COG5: variants seen among roughly 807,000 people sequenced by gnomAD.
COG5 encodes conserved oligomeric Golgi complex subunit 5.
A neutral mutation model predicts 110.4 loss-of-function variants in COG5; 86 were observed. The observed-to-expected ratio is 0.78, with a 90% CI of 0.65 to 0.93. The LOEUF is 0.93. COG5 is among the 40% of genes least tolerant of loss of function. The pLI is 0.00. For synonymous variants in COG5, 360 were observed against 334.6 expected, an observed-to-expected ratio of 1.08 and a Z score of -0.83; for missense variants, 1,077 against 987.0, an observed-to-expected ratio of 1.09 and a Z score of -1.22.
chr7:107,313,555 T>A (rs753867147), intron 11 of COG5, among the ~76,000 whole-genome samples: 2 of 152,194 alleles, frequency 1.3e-5, no homozygotes, highest in Non-Finnish European at 2.9e-5. Flanking sequence ...AAAATCAATG[T>A]GTCAGCAGTA....
chr7:107,339,529 TAGA>T (rs1811007298), intron 10 of COG5, among the ~76,000 whole-genome samples: 1 of 152,022 alleles, frequency 6.6e-6, no homozygotes, highest in South Asian at 2.1e-4. Flanking sequence ...CTGGACCTAA[TAGA>T]TATCTACAGG....
At chr7:107,261,484 T>G (rs978600767) in intron 14 of COG5, among the ~76,000 whole-genome samples, 2 of 152,200 alleles carry the variant, frequency 1.3e-5, no homozygotes, top group African/African-American at 4.8e-5. Context: ...TTTACATCGA[T>G]GAAATATTTT....
chr7:107,527,402 T>C lies in COG5; in HGVS notation c.418-45A>G, dbSNP rs760642419. On this transcript the variant is annotated intron_variant, in intron 5 of 21. Transcript: ENST00000297135. ...TTAAGTTAGTTGATCCATGAAGTTT[T>C]ATTACTATTAATAAATAGTAATAAC... The C allele has an allele frequency of 5.6e-6, 9 of 1,604,174 alleles. No homozygotes were observed. The African/African-American group carries it at 9.4e-5, about 17-fold the overall frequency.
intron 10 of COG5, among the ~76,000 whole-genome samples, chr7:107,331,900 G>A (rs1207132539): frequency 6.7e-6 from 1 of 148,580 alleles, no homozygotes; most frequent in Non-Finnish European, 1.5e-5. Flanking sequence ...GGAGTACAGT[G>A]GCACGATCTC....
intron 6 of COG5, among the ~76,000 whole-genome samples, chr7:107,455,952 C>T (rs1275195804): frequency 1.3e-5 from 2 of 151,956 alleles, no homozygotes; most frequent in Non-Finnish European, 2.9e-5. Context: ...CACCACCACA[C>T]CTGGCTAATT....
chr7:107,372,474 T>C (rs982398429), intron 8 of COG5, 121 bp downstream of exon 8: 1 of 947,710 alleles, frequency 1.1e-6, no homozygotes, highest in Non-Finnish European at 1.6e-6. Flanking sequence ...TCTTCTCTCA[T>C]TTTCTGTCTA....
intron 19 of COG5, among the ~76,000 whole-genome samples, chr7:107,218,617 A>C (rs1264670056): frequency 6.6e-6 from 1 of 152,174 alleles, no homozygotes; most frequent in Non-Finnish European, 1.5e-5. Context: ...CAGCCTCTCC[A>C]ATAAAGGGTG....
At chr7:107,516,247 C>T (rs1304127200) in intron 6 of COG5, among the ~76,000 whole-genome samples, 1 of 152,188 alleles carries the variant, frequency 6.6e-6, no homozygotes, top group East Asian at 1.9e-4. Context: ...AGCATGTTTA[C>T]AGATGCGTAT....
At chr7:107,358,484 T>C (rs1441199096) in intron 10 of COG5, among the ~76,000 whole-genome samples, 1 of 152,152 alleles carries the variant, frequency 6.6e-6, no homozygotes, top group East Asian at 1.9e-4. Flanking sequence ...CAGGGTAAAG[T>C]TACTGATATA....
chr7:107,240,145 A>G (rs1420797648), intron 17 of COG5, among the ~76,000 whole-genome samples: 1 of 152,234 alleles, frequency 6.6e-6, no homozygotes, highest in Admixed American at 6.5e-5. Context: ...TAATTTGGAA[A>G]GAAACACGTC....
At chr7:107,284,670 T>C (rs1252051071) in intron 12 of COG5, among the ~76,000 whole-genome samples, 1 of 152,212 alleles carries the variant, frequency 6.6e-6, no homozygotes, top group Non-Finnish European at 1.5e-5. Context: ...AAACATTTCT[T>C]TCCTGCTTGC....
At chr7:107,455,594 T>C (rs1215832928) in intron 6 of COG5, among the ~76,000 whole-genome samples, 5 of 152,196 alleles carry the variant, frequency 3.3e-5, no homozygotes, top group Non-Finnish European at 2.9e-5. Context: ...AAATATTTAT[T>C]ATCTGGCCTT....
rs935561556 is a variant in COG5 at position 107,372,530 on chromosome 7, A to T, written c.835+65T>A. The stretch of plus-strand genomic sequence containing the variant: ...TTGCTTTGAAACATGAGTGTTTCAC[A>T]TACTATTCAAAAGACTTCTCAGTTA... On this transcript the variant is annotated intron_variant, in intron 8 of 21. Transcript: ENST00000297135. The T allele has an allele frequency of 5.3e-6, 8 of 1,497,158 alleles. No individual in the cohort carries two copies. The Admixed American group carries it at 1.0e-4, about 19-fold the overall frequency. The allele number at this position is 1,497,158 out of a possible 1,614,324, so 92.7% of individuals were successfully genotyped here. A position where few individuals can be genotyped will look rare whatever the true frequency, so the allele number is the denominator to read the frequency against.
At chr7:107,425,491 T>C (rs1005351460) in intron 6 of COG5, among the ~76,000 whole-genome samples, 1 of 151,524 alleles carries the variant, frequency 6.6e-6, no homozygotes, top group Admixed American at 6.6e-5. Context: ...TTTTATTCTA[T>C]TTCTGAATTT....
chr7:107,541,151 GAA>G (rs879808486), intron 5 of COG5, among the ~76,000 whole-genome samples: 2 of 111,946 alleles, frequency 1.8e-5, no homozygotes, highest in African/African-American at 6.7e-5. Context: ...ACTCTGTCTT[GAA>G]AAAAAAAAAA....
rs369497637 is a variant in COG5 at position 107,415,874 on chromosome 7, ATGTG to A, written c.539-3246_539-3243del. Among the ~76,000 whole-genome samples the A allele has an allele frequency of 2.3e-4, 14 of 61,298 alleles. 1 individual carries two copies. Among genetic ancestry groups the A allele is most frequent in the Non-Finnish European group, 4.3e-4 (11 of 25,782 alleles). The allele number at this position is 61,298 out of a possible 152,430, so 40.2% of individuals were successfully genotyped here. A position where few individuals can be genotyped will look rare whatever the true frequency, so the allele number is the denominator to read the frequency against. On this transcript the variant is annotated intron_variant, in intron 6 of 21. Transcript: ENST00000297135. Reference sequence around the variant, plus strand: ...TACACACACATACACGTATGTATGTATGTGTGTGTATATACACACACATACACGT... The same window carrying A: ...TACACACACATACACGTATGTATGTATGTGTATATACACACACATACACGT...
chr7:107,243,308 T>C (rs1470252614), intron 17 of COG5, among the ~76,000 whole-genome samples: 1 of 151,656 alleles, frequency 6.6e-6, no homozygotes, highest in African/African-American at 2.4e-5. Context: ...GGTCAGAAGA[T>C]CGAGACCCTC....
intron 6 of COG5, among the ~76,000 whole-genome samples, chr7:107,444,657 T>C (rs938717466): frequency 1.3e-5 from 2 of 152,246 alleles, no homozygotes; most frequent in East Asian, 1.9e-4. Context: ...TAGTTTTACA[T>C]ATCCCAAATC....
At chr7:107,426,837 C>G (rs1793674724) in intron 6 of COG5, among the ~76,000 whole-genome samples, 1 of 152,170 alleles carries the variant, frequency 6.6e-6, no homozygotes, top group South Asian at 2.1e-4. Context: ...AAACTTTGTT[C>G]TCTTTATACA....
Sources: gnomAD v4.1 joint callset for allele counts (sites outside exome capture counted in the v4.1 genomes callset) on GRCh38, gnomAD v4.1.1 for gene constraint, MANE v1.5 for transcripts, NCBI Gene and HGNC (gene_info 2026-07-23, HGNC 2026-07-21) for gene names.